Variants in WWP2 observed in about 807,000 individuals in gnomAD.
WWP2 encodes WW domain containing E3 ubiquitin protein ligase 2, also known as NEDD4-like E3 ubiquitin-protein ligase WWP2.
A neutral mutation model predicts 121.0 loss-of-function variants in WWP2; 57 were observed. That is an observed-to-expected ratio of 0.47 (90% CI 0.38 to 0.59). The LOEUF (loss-of-function observed/expected upper bound fraction) is 0.59. WWP2 is among the 20% of genes least tolerant of loss of function. The pLI is 0.00. For synonymous variants in WWP2, 449 were observed against 441.3 expected (o/e 1.02, Z -0.22); for missense variants, 962 against 1,158.9 (o/e 0.83, Z 2.47).
intron 7 of WWP2, among the ~76,000 whole-genome samples, chr16:69,883,308 A>G (rs1469205477): frequency 6.6e-6 from 1 of 151,926 alleles, no homozygotes; most frequent in Non-Finnish European, 1.5e-5. Flanking sequence ...CCAGTAATGT[A>G]TTGTTAGAAC....
At chr16:69,936,085 C>G in intron 18 of WWP2, 99 bp downstream of exon 18, 1 of 1,540,694 alleles carries the variant, frequency 6.5e-7, no homozygotes. Flanking sequence ...CCAGTGTGGC[C>G]CCTGAGCTCT....
intron 9 of WWP2, among the ~76,000 whole-genome samples, chr16:69,911,335 C>A (rs1463160625): frequency 1.3e-5 from 2 of 152,168 alleles, no homozygotes; most frequent in African/African-American, 4.8e-5. Context: ...CACAGGTAAG[C>A]AAAGAGTGAT....
At chr16:69,928,441 T>A (rs1167614839) in intron 11 of WWP2, among the ~76,000 whole-genome samples, 4 of 152,110 alleles carry the variant, frequency 2.6e-5, no homozygotes, top group African/African-American at 9.6e-5. Flanking sequence ...CCAGCTAGGG[T>A]TGGGTCTGCC....
intron 4 of WWP2, among the ~76,000 whole-genome samples, chr16:69,826,798 A>G (rs989803723): frequency 2.0e-5 from 3 of 150,530 alleles, no homozygotes. Flanking sequence ...AATTAGCCGG[A>G]CATGGTGGCA....
chr16:69,764,285 G>T (rs2038680537), intron 1 of WWP2, among the ~76,000 whole-genome samples: 1 of 152,114 alleles, frequency 6.6e-6, no homozygotes, highest in African/African-American at 2.4e-5. Context: ...CTGTAACCTT[G>T]ACCTGCCTGG....
chr16:69,842,190 T>A, intron 6 of WWP2, 70 bp downstream of exon 6: 1 of 1,438,688 alleles, frequency 7.0e-7, no homozygotes. Context: ...TGTTGGGACA[T>A]GGCGGGGAAC....
intron 2 of WWP2, among the ~76,000 whole-genome samples, chr16:69,798,236 A>G (rs2151812147): frequency 6.6e-6 from 1 of 152,370 alleles, no homozygotes; most frequent in Middle Eastern, 3.4e-3. Flanking sequence ...AAAGGCATGC[A>G]GATGTATATG....
chr16:69,839,627 A>G (rs1460929937), intron 4 of WWP2, among the ~76,000 whole-genome samples: 3 of 152,196 alleles, frequency 2.0e-5, no homozygotes. Flanking sequence ...AAGACAATAC[A>G]TTTTCAGGAT....
chr16:69,925,119 G>T lies in WWP2; in HGVS notation c.1180-311G>T. 5 of 1,135,100 alleles carry T rather than the reference G, an allele frequency of 4.4e-6. No individual in the cohort carries two copies. Among genetic ancestry groups the T allele is most frequent in the Non-Finnish European group, 5.4e-6 (5 of 923,758 alleles). 70.3% of individuals were successfully genotyped at this position (1,135,100 alleles called of 1,614,324 possible). ...TTCCCGGGCCTTCCTACCATGCCAG[G>T]GCTGCTCCCTGCCTCCGCCACCCTG... On this transcript the variant is annotated intron_variant, in intron 10 of 23. Transcript: ENST00000359154. The surrounding 1 kb of genome is among the most constrained non-coding windows in gnomAD (Gnocchi z 4.0).
intron 21 of WWP2, among the ~76,000 whole-genome samples, chr16:69,938,152 A>G (rs1269500456): frequency 1.3e-5 from 2 of 152,146 alleles, no homozygotes; most frequent in Non-Finnish European, 2.9e-5. Context: ...GTGGAGGTGA[A>G]ATTTGTATAA....
intron 4 of WWP2, among the ~76,000 whole-genome samples, chr16:69,811,404 C>G (rs1271633912): frequency 1.3e-5 from 2 of 151,952 alleles, no homozygotes; most frequent in East Asian, 3.9e-4. Context: ...CGTGGGAGTT[C>G]AAGACCAGCT....
chr16:69,815,140 T>A (rs932128077), intron 4 of WWP2, among the ~76,000 whole-genome samples: 1 of 152,080 alleles, frequency 6.6e-6, no homozygotes, highest in South Asian at 2.1e-4. Flanking sequence ...GTAGCTGAGA[T>A]TACAGGCATG....
chr16:69,910,765 T>C (rs1231198392), intron 9 of WWP2, among the ~76,000 whole-genome samples: 3 of 152,148 alleles, frequency 2.0e-5, no homozygotes, highest in Non-Finnish European at 4.4e-5. Flanking sequence ...CTTGACCCAG[T>C]GAGCATTTGC....
At chr16:69,888,835 G>T (rs556428946) in intron 8 of WWP2, among the ~76,000 whole-genome samples, 3 of 152,176 alleles carry the variant, frequency 2.0e-5, no homozygotes, top group Non-Finnish European at 2.9e-5. Context: ...CTCCCAAGTA[G>T]CTGGGGCTAC....
intron 6 of WWP2, among the ~76,000 whole-genome samples, chr16:69,859,689 T>C (rs1005634796): frequency 6.6e-6 from 1 of 152,094 alleles, no homozygotes; most frequent in Non-Finnish European, 1.5e-5. Flanking sequence ...AGCTTCCCCC[T>C]GGCCCCGACC....
rs887700375 is a variant in WWP2, at chr16:69,925,787, A to C, written c.1234+303A>C. On this transcript the variant is annotated intron_variant, in intron 11 of 23. Coordinates refer to ENST00000359154, the MANE Select transcript of WWP2 (RefSeq NM_001270454.2). This position sits in a 1 kb window ranked among gnomAD's most constrained non-coding sequence, Gnocchi z 4.0. The stretch of plus-strand genomic sequence containing the variant: ...TATTGGCTTTTGGTCTTGAGTTTCA[A>C]GGTGTCTACTCAAGAGTCCATGCTA... Among the ~76,000 whole-genome samples the C allele has an allele frequency of 1.3e-5, 2 of 152,174 alleles. No homozygotes were observed. Among genetic ancestry groups the C allele is most frequent in the Non-Finnish European group, 2.9e-5 (2 of 68,036 alleles).
At chr16:69,883,479 TGGGCACAGAA>T (rs1412037419) in intron 7 of WWP2, among the ~76,000 whole-genome samples, 2 of 152,100 alleles carry the variant, frequency 1.3e-5, no homozygotes, top group African/African-American at 4.8e-5. Flanking sequence ...TGAGTATTCG[TGGGCACAGAA>T]GGCTTGTCCA....
In WWP2 at chr16:69,817,647, T is replaced by G. The variant is rs556962562; in HGVS notation, c.340+18352T>G. 2.4e-4 allele frequency among the ~76,000 whole-genome samples: 36 copies of G among 150,414 alleles called. No homozygotes were observed. The South Asian group carries it at 7.6e-3, about 32-fold the overall frequency. On this transcript the variant is annotated intron_variant, in intron 4 of 23. Transcript: ENST00000359154. ...GTTTTTTACAATTACTAGCAGCACT[T>G]TTTGTTAAACTCTTTTTTTTTTTTT...
At chr16:69,820,825 T>TACACACACACACACAC (rs34214656) in intron 4 of WWP2, among the ~76,000 whole-genome samples, 4 of 144,070 alleles carry the variant, frequency 2.8e-5, no homozygotes, top group Non-Finnish European at 6.1e-5. Context: ...TACATGCATA[T>TACACACACACACACAC]ACACACACAC....
Sources: allele counts gnomAD v4.1 joint callset (sites outside exome capture counted in the v4.1 genomes callset), GRCh38; gene constraint gnomAD v4.1.1; non-coding constraint Gnocchi (gnomAD v3.1); transcripts MANE v1.5; gene names NCBI Gene and HGNC (gene_info 2026-07-23, HGNC 2026-07-21).